NUP93: variants seen among roughly 807,000 people sequenced by gnomAD.
NUP93 encodes nucleoporin 93, also known as nuclear pore complex protein Nup93.
A neutral mutation model predicts 107.8 loss-of-function variants in NUP93; 55 were observed. The observed-to-expected ratio is 0.51, with a 90% CI of 0.41 to 0.64. The LOEUF (loss-of-function observed/expected upper bound fraction) is 0.64. Ranked by LOEUF, NUP93 falls within the 30% of genes least tolerant of loss-of-function variation. NUP93 has a pLI of 0.00. For missense variants in NUP93, 937 were observed against 1,044.7 expected, an observed-to-expected ratio of 0.90 and a Z score of 1.42; for synonymous variants, 390 against 397.5, an observed-to-expected ratio of 0.98 and a Z score of 0.22.
At chr16:56,837,802 C>T (rs934690286) in intron 18 of NUP93, 76 bp downstream of exon 18, 11 of 1,048,680 alleles carry the variant, frequency 1.0e-5, no homozygotes, top group African/African-American at 9.5e-5. Context: ...CACCCAAATG[C>T]ATGTTCAGCT....
rs770049437 is a variant in NUP93, at chr16:56,848,702, A to T, written c.*4093A>T. ...GTCTGTGCTGCTTTTTTGCCTTGTT[A>T]CGCACATAACTTGTGACTGGCTAGA... On this transcript the variant is annotated 3_prime_UTR_variant, in exon 22 of 22. Coordinates refer to ENST00000308159, the MANE Select transcript of NUP93 (RefSeq NM_014669.5). 5.3e-5 allele frequency: 8 copies of T among 152,214 alleles called. No individual in the cohort carries two copies. Among genetic ancestry groups the T allele is most frequent in the Non-Finnish European group, 8.8e-5 (6 of 68,028 alleles). The allele number at this position is 152,214 out of a possible 1,614,324, so 9.4% of individuals were successfully genotyped here.
intron 3 of NUP93, among the ~76,000 whole-genome samples, chr16:56,795,642 T>G (rs1248575399): frequency 4.0e-5 from 6 of 148,874 alleles, no homozygotes; most frequent in Non-Finnish European, 5.9e-5. Context: ...ATTTTTATTT[T>G]TATTTTTATT....
At chr16:56,834,662 T>C in intron 15 of NUP93, 72 bp from the exon 16 acceptor site, 1 of 1,412,140 alleles carries the variant, frequency 7.1e-7, no homozygotes, top group South Asian at 1.2e-5. Context: ...TCCCCTCTTT[T>C]TTCTCTGAAG....
chr16:56,833,997 A>G (rs528802313), intron 13 of NUP93, 131 bp from the exon 14 acceptor site: 3 of 1,297,206 alleles, frequency 2.3e-6, no homozygotes, highest in Non-Finnish European at 3.2e-6. Context: ...GCCAAAGCTT[A>G]TATTAGCAAA....
At chr16:56,820,600 A>G (rs1192003497) in intron 6 of NUP93, among the ~76,000 whole-genome samples, 1 of 152,248 alleles carries the variant, frequency 6.6e-6, no homozygotes, top group Non-Finnish European at 1.5e-5. Flanking sequence ...TAAAGGCTTC[A>G]GCCACTGCAC....
At chr16:56,838,190 A>G (rs1219900441) in intron 18 of NUP93, among the ~76,000 whole-genome samples, 1 of 152,198 alleles carries the variant, frequency 6.6e-6, no homozygotes, top group Non-Finnish European at 1.5e-5. Flanking sequence ...CCCAGGCTGA[A>G]GCTAACAACA....
At position 56,761,447 on chromosome 16, in the gene NUP93, T is replaced by C. The variant is rs569948161; in HGVS notation, c.297+2792T>C. On this transcript the variant is annotated intron_variant, in intron 3 of 21. Transcript: ENST00000308159. Reference sequence around the variant, plus strand: ...GATTTGTCTTTAGAAAAGCCAGATATACTATTCGATGGACTTTTTTTTTCA... The same window carrying C: ...GATTTGTCTTTAGAAAAGCCAGATACACTATTCGATGGACTTTTTTTTTCA... Among the ~76,000 whole-genome samples, 6 of 152,362 alleles carry C rather than the reference T, an allele frequency of 3.9e-5. No individual in the cohort carries two copies. The East Asian group carries it at 9.6e-4, about 24-fold the overall frequency.
At chr16:56,836,454 A>G (rs1337509234) in intron 16 of NUP93, 147 bp from the exon 17 acceptor site, 11 of 644,748 alleles carry the variant, frequency 1.7e-5, no homozygotes, top group Middle Eastern at 2.7e-4. Flanking sequence ...AGAAAGCCAG[A>G]GTCTGGCTGA....
At position 56,776,255 on chromosome 16, in the gene NUP93, T is replaced by C. The variant is rs529925034; in HGVS notation, c.297+17600T>C. 8.7e-4 allele frequency among the ~76,000 whole-genome samples: 132 copies of C among 152,220 alleles called. 1 individual carries two copies. Among genetic ancestry groups the C allele is most frequent in the South Asian group, 2.1e-3 (10 of 4,824 alleles). On this transcript the variant is annotated intron_variant, in intron 3 of 21. Transcript: ENST00000308159. Reference sequence around the variant, plus strand: ...CCCCCCTTGTTTAAATCGTTGAGGGTTGGATAATTTTAATAAACCTTTTCT... The same window carrying C: ...CCCCCCTTGTTTAAATCGTTGAGGGCTGGATAATTTTAATAAACCTTTTCT...
At chr16:56,739,534 C>T (rs1246620470) in intron 1 of NUP93, among the ~76,000 whole-genome samples, 36 of 111,062 alleles carry the variant, frequency 3.2e-4, no homozygotes, top group Middle Eastern at 6.1e-3. Flanking sequence ...CTGACCCCCC[C>T]CCACCTCCCT....
At chr16:56,829,222 C>T (rs1049926585) in intron 9 of NUP93, 113 bp downstream of exon 9, 1 of 1,297,096 alleles carries the variant, frequency 7.7e-7, no homozygotes, top group Non-Finnish European at 1.1e-6. Flanking sequence ...GGAGATGGGA[C>T]CAGAGAGGGG....
chr16:56,840,677 T>C (rs1470905387), intron 20 of NUP93, among the ~76,000 whole-genome samples: 1 of 152,160 alleles, frequency 6.6e-6, no homozygotes, highest in African/African-American at 2.4e-5. Flanking sequence ...TTTACAATTC[T>C]TCCTCATTGA....
chr16:56,791,847 C>G (rs1275066019), intron 3 of NUP93, among the ~76,000 whole-genome samples: 1 of 152,142 alleles, frequency 6.6e-6, no homozygotes, highest in African/African-American at 2.4e-5. Context: ...ATTTATTGTT[C>G]TACAACAATA....
intron 5 of NUP93, among the ~76,000 whole-genome samples, chr16:56,811,832 G>A (rs536730105): frequency 2.0e-5 from 3 of 152,266 alleles, no homozygotes; most frequent in Admixed American, 6.5e-5. Flanking sequence ...TAAAGTGGCC[G>A]GCCCAGTGCC....
intron 2 of NUP93, 96 bp from the exon 3 acceptor site, chr16:56,758,442 A>G: frequency 2.2e-6 from 2 of 896,460 alleles, no homozygotes; most frequent in Non-Finnish European, 3.7e-6. Context: ...TTGAATTAAA[A>G]ATGCTCTCTA....
intron 10 of NUP93, 162 bp from the exon 11 acceptor site, chr16:56,831,680 C>T (rs1483295363): frequency 1.8e-5 from 12 of 658,786 alleles, no homozygotes; most frequent in African/African-American, 3.7e-5. Context: ...CAGGTTAAAG[C>T]GATGGTACCG....
At chr16:56,805,365 T>C (rs1963113227) in intron 4 of NUP93, 139 bp from the exon 5 acceptor site, 2 of 896,076 alleles carry the variant, frequency 2.2e-6, no homozygotes, top group Non-Finnish European at 3.3e-6. Context: ...TCTTCAAAGA[T>C]AATTTTTAAA....
intron 3 of NUP93, chr16:56,782,010 T>C: frequency 1.0e-6 from 1 of 985,272 alleles, no homozygotes; most frequent in Non-Finnish European, 1.2e-6. Flanking sequence ...TGCAGAGGGG[T>C]TGTTCTTTTC....
intron 3 of NUP93, among the ~76,000 whole-genome samples, chr16:56,796,802 C>T (rs1466645389): frequency 2.0e-5 from 3 of 152,018 alleles, no homozygotes; most frequent in Non-Finnish European, 2.9e-5. Context: ...CATGGTGAAA[C>T]CCCATCTCTA....
Sources: gnomAD v4.1 joint callset for allele counts (sites outside exome capture counted in the v4.1 genomes callset) on GRCh38, gnomAD v4.1.1 for gene constraint, MANE v1.5 for transcripts, NCBI Gene and HGNC (gene_info 2026-07-23, HGNC 2026-07-21) for gene names.